WDHD1: variants seen among roughly 807,000 people sequenced by gnomAD.
The protein encoded by WDHD1 is WD repeat and HMG-box DNA-binding protein 1.
WDHD1 carries 111 observed loss-of-function variants against 135.4 expected under a neutral mutation model. The observed-to-expected ratio is 0.82, with a 90% CI of 0.70 to 0.96. The LOEUF is 0.96. Among genes scored for constraint, WDHD1 ranks in the 40% least tolerant of loss-of-function variants. The pLI is 0.00. For missense variants in WDHD1, 1,351 were observed against 1,336.3 expected (o/e 1.01, Z -0.17); for synonymous variants, 434 against 439.0 (o/e 0.99, Z 0.14).
Position 55,010,257 on chromosome 14 carries a change from C to G in WDHD1, c.341+52G>C, listed in dbSNP as rs2042146407. On this transcript the variant is annotated intron_variant, in intron 4 of 25. Transcript: ENST00000360586. ...AAAACACTACCCTGAAACAAATAAA[C>G]AAGGCCTTTTGTTCTAACATTATTT... 2.1e-6 allele frequency: 3 copies of G among 1,441,238 alleles called. No homozygotes were observed. In the East Asian group the frequency reaches 7.6e-5, roughly 37 times the overall value. 89.3% of individuals were successfully genotyped at this position (1,441,238 alleles called of 1,614,324 possible).
intron 10 of WDHD1, among the ~76,000 whole-genome samples, chr14:54,997,139 A>G (rs2041895754): frequency 8.0e-6 from 1 of 125,762 alleles, no homozygotes; most frequent in Non-Finnish European, 1.6e-5. Flanking sequence ...CCTGTCACCC[A>G]GGCTGGAGTG....
At chr14:54,959,314 C>A (rs1435757758) in intron 21 of WDHD1, among the ~76,000 whole-genome samples, 1 of 125,744 alleles carries the variant, frequency 8.0e-6, no homozygotes, top group Admixed American at 7.4e-5. Flanking sequence ...GGAAAGATCG[C>A]TTGGGTCTGG....
At chr14:54,987,452 A>ATATATG (rs57100945) in intron 13 of WDHD1, 65 bp from the exon 14 acceptor site, 1 of 1,358,550 alleles carries the variant, frequency 7.4e-7, no homozygotes, top group South Asian at 1.6e-5. Flanking sequence ...ATATATATAT[A>ATATATG]AGCAATCATG....
chr14:54,949,739 G>C (rs1333414830), intron 24 of WDHD1, among the ~76,000 whole-genome samples: 1 of 152,210 alleles, frequency 6.6e-6, no homozygotes, highest in African/African-American at 2.4e-5. Context: ...AAAATGTTCA[G>C]AGAGAAAGGT....
intron 2 of WDHD1, among the ~76,000 whole-genome samples, chr14:55,020,213 C>T (rs1259495468): frequency 6.6e-6 from 1 of 152,196 alleles, no homozygotes; most frequent in Non-Finnish European, 1.5e-5. Flanking sequence ...ATCAAAACCA[C>T]GTAGTGTCAA....
intron 2 of WDHD1, among the ~76,000 whole-genome samples, chr14:55,021,216 C>A (rs1470297097): frequency 2.0e-5 from 3 of 152,188 alleles, no homozygotes; most frequent in Non-Finnish European, 4.4e-5. Flanking sequence ...ATAGAAGGGT[C>A]TATGTTGTAA....
chr14:54,959,433 G>GAGGGAGGGAGGC (rs1258999101), intron 21 of WDHD1, among the ~76,000 whole-genome samples: 5 of 141,950 alleles, frequency 3.5e-5, no homozygotes, highest in Admixed American at 7.1e-5. Flanking sequence ...AGAAGGAAGG[G>GAGGGAGGGAGGC]AGGGAGGGAG....
intron 7 of WDHD1, among the ~76,000 whole-genome samples, chr14:55,004,282 A>C (rs553336924): frequency 6.6e-6 from 1 of 152,208 alleles, no homozygotes; most frequent in African/African-American, 2.4e-5. Flanking sequence ...TTCCATATAC[A>C]TTTGGTTCTA....
chr14:55,004,933 C>T, intron 7 of WDHD1: 1 of 533,040 alleles, frequency 1.9e-6, no homozygotes, highest in Non-Finnish European at 3.7e-6. Flanking sequence ...TAAATAGGCA[C>T]AGAGGGCACC....
intron 24 of WDHD1, among the ~76,000 whole-genome samples, chr14:54,945,518 A>C (rs1045449670): frequency 1.3e-5 from 2 of 152,294 alleles, no homozygotes; most frequent in Middle Eastern, 3.4e-3. Flanking sequence ...CTGGGATCCA[A>C]CAACCAGGCA....
In WDHD1 at chr14:54,941,465, A is replaced by T; in HGVS notation, c.*25T>A. The T allele has an allele frequency of 6.4e-7, 1 of 1,572,226 alleles. No homozygotes were observed. The highest frequency in any genetic ancestry group is 1.9e-5 in the Admixed American group (1 of 51,502). On this transcript the variant is annotated 3_prime_UTR_variant, in exon 26 of 26. Transcript: ENST00000360586. ...AAAGATGAGTAAAAAAAAATCCATT[A>T]CTTCCCTAGGGTCACTTTCTTCCTT...
At chr14:54,991,105 CTA>C (rs1338756059) in intron 12 of WDHD1, 106 bp downstream of exon 12, 1 of 594,036 alleles carries the variant, frequency 1.7e-6, no homozygotes, top group African/African-American at 1.9e-5. Context: ...GTGCTCCAGG[CTA>C]CTTAATCAAA....
intron 16 of WDHD1, among the ~76,000 whole-genome samples, chr14:54,979,050 G>A (rs913102304): frequency 2.0e-5 from 3 of 151,252 alleles, no homozygotes; most frequent in African/African-American, 7.3e-5. Context: ...TAAATTCATT[G>A]CCAAAAGATT....
chr14:54,980,017 C>CT (rs1566723737), intron 16 of WDHD1, among the ~76,000 whole-genome samples: 1 of 152,102 alleles, frequency 6.6e-6, no homozygotes, highest in Non-Finnish European at 1.5e-5. Context: ...ATGTACCAGC[C>CT]ATATCATATG....
chr14:54,964,766 A>G (rs2041315150), intron 18 of WDHD1, among the ~76,000 whole-genome samples: 1 of 152,236 alleles, frequency 6.6e-6, no homozygotes, highest in Non-Finnish European at 1.5e-5. Context: ...TCCTGGGCTC[A>G]AGATATCCTC....
intron 16 of WDHD1, among the ~76,000 whole-genome samples, chr14:54,972,473 G>A (rs1595081115): frequency 7.0e-6 from 1 of 143,730 alleles, no homozygotes; most frequent in East Asian, 2.1e-4. Flanking sequence ...AGCTACTCGG[G>A]AGGGTAAAGC....
chr14:54,994,212 A>G (rs150716456), intron 11 of WDHD1, among the ~76,000 whole-genome samples: 272 of 152,340 alleles, frequency 1.8e-3, no homozygotes, highest in Middle Eastern at 6.8e-3. Flanking sequence ...TCTTTAATAG[A>G]TACAATACTA....
intron 2 of WDHD1, among the ~76,000 whole-genome samples, chr14:55,025,306 C>T (rs1270677296): frequency 1.3e-5 from 2 of 150,504 alleles, no homozygotes; most frequent in Admixed American, 6.6e-5. Flanking sequence ...TCCCCCTCTT[C>T]GAGAAACACC....
intron 24 of WDHD1, among the ~76,000 whole-genome samples, chr14:54,950,300 T>C (rs1268914565): frequency 1.3e-5 from 2 of 152,178 alleles, no homozygotes; most frequent in East Asian, 3.9e-4. Context: ...TGGAGGAAGA[T>C]CTACCAAGCA....
Sources: allele counts gnomAD v4.1 joint callset (sites outside exome capture counted in the v4.1 genomes callset), GRCh38; gene constraint gnomAD v4.1.1; transcripts MANE v1.5; gene names NCBI Gene and HGNC (gene_info 2026-07-23, HGNC 2026-07-21).